TET3: variants seen among roughly 807,000 people sequenced by gnomAD.
TET3 encodes methylcytosine dioxygenase TET3.
A neutral mutation model predicts 141.4 loss-of-function variants in TET3; 19 were observed. That is an observed-to-expected ratio of 0.13 (90% CI 0.09 to 0.20). The LOEUF (loss-of-function observed/expected upper bound fraction) is 0.20. Among genes scored for constraint, TET3 ranks in the 10% least tolerant of loss-of-function variants. The probability of loss-of-function intolerance (pLI) is 1.00; values close to 1 mark genes in which losing one functional copy is unlikely to be tolerated. For synonymous variants in TET3, 1,043 were observed against 980.9 expected (o/e 1.06, Z -1.18); for missense variants, 1,874 against 2,356.9 (o/e 0.80, Z 4.24).
At position 74,047,066 on chromosome 2, in the gene TET3, C is replaced by T. The variant is rs113584570; in HGVS notation, c.1149C>T (p.Pro383=). 4.3e-6 allele frequency: 7 copies of T among 1,614,008 alleles called. No individual in the cohort carries two copies. Among genetic ancestry groups the T allele is most frequent in the South Asian group, 3.3e-5 (3 of 91,084 alleles). The change falls in exon 4 of 12, where the codon CCC becomes CCT. Residue 383 remains proline (P), a synonymous_variant. Transcript: ENST00000409262. Reference sequence around the variant, plus strand: ...ATTCCACCCCCCAGGCTTCTTGCCCCCTTCCTGAGGCCTTGTCACCTCCTG... The same window carrying T: ...ATTCCACCCCCCAGGCTTCTTGCCCTCTTCCTGAGGCCTTGTCACCTCCTG... ...PSHSTPQASC[P]LPEALSPPAP...
chr2:73,995,656 G>C (rs201176417), intron 2 of TET3, among the ~76,000 whole-genome samples: 27 of 151,970 alleles, frequency 1.8e-4, no homozygotes, highest in African/African-American at 6.3e-4. Context: ...CTAGTGGCTT[G>C]TGGCTCATGT....
In TET3 at chr2:74,100,625, C is replaced by T. The variant is rs376482452; in HGVS notation, c.3837C>T (p.Tyr1279=). The change falls in exon 12 of 12, where the codon TAC becomes TAT. Residue 1279 remains tyrosine, a synonymous_variant. Coordinates refer to ENST00000409262, the MANE Select transcript of TET3 (RefSeq NM_001287491.2). ...LTSVNGFHSK[Y]ALPSFSYYGF... ...CCGTCAATGGCTTCCACTCCAAGTA[C>T]GCTCTCCCGTCTTTTAGCTACTATG... 70 of 1,613,898 alleles carry T rather than the reference C, an allele frequency of 4.3e-5. No homozygotes were observed. The highest frequency in any genetic ancestry group is 1.9e-4 in the South Asian group (17 of 91,076).
the TET3 span, among the ~76,000 whole-genome samples, chr2:74,124,292 C>A: frequency 1.3e-5 from 2 of 150,996 alleles, no homozygotes; most frequent in African/African-American, 4.9e-5. Context: ...CAGCCAGCCA[C>A]CCCGTCTGGG....
At chr2:74,004,553 C>T (rs891299650) in intron 3 of TET3, among the ~76,000 whole-genome samples, 4 of 152,166 alleles carry the variant, frequency 2.6e-5, no homozygotes, top group African/African-American at 9.7e-5. Context: ...GTGAATTTTG[C>T]TTCTGGAGCA....
chr2:74,008,710 A>G (rs575888743), intron 3 of TET3, among the ~76,000 whole-genome samples: 1 of 152,168 alleles, frequency 6.6e-6, no homozygotes, highest in Non-Finnish European at 1.5e-5. Context: ...AAAAGTAAAA[A>G]TGACTAACTT....
At chr2:74,134,352 G>A in the TET3 span, 5 of 223,320 alleles carry the variant, frequency 2.2e-5, no homozygotes, top group Non-Finnish European at 4.5e-5. Flanking sequence ...TTCTGCCCTG[G>A]CAGGTACCAA....
the TET3 span, among the ~76,000 whole-genome samples, chr2:74,126,500 A>ATTTTT: frequency 8.4e-3 from 1,013 of 120,922 alleles, 37 homozygotes; most frequent in African/African-American, 0.029. Flanking sequence ...TATTTGCTGG[A>ATTTTT]TTTTTTTTTT....
chr2:74,118,087 C>A, the TET3 span, among the ~76,000 whole-genome samples: 17 of 152,312 alleles, frequency 1.1e-4, no homozygotes, highest in African/African-American at 4.1e-4. Context: ...AAACCAAGTA[C>A]CTGCTTTAAA....
In TET3 at chr2:74,047,752, C is replaced by A. The variant is rs768610070; in HGVS notation, c.1835C>A (p.Ser612Tyr). 23 of 1,613,794 alleles carry A rather than the reference C, an allele frequency of 1.4e-5. No homozygotes were observed. The highest frequency in any genetic ancestry group is 1.8e-5 in the Non-Finnish European group (21 of 1,179,816). Residue 612 changes from serine to tyrosine, a missense_variant, in exon 4 of 12, where the codon TCC becomes TAC. Coordinates refer to ENST00000409262, the MANE Select transcript of TET3 (RefSeq NM_001287491.2). Reference sequence around the variant, plus strand: ...CGAAAGCCCATTCAGATCAAGAAGTCCAGGCCCCGGGAAGCACAGCCCCTC... The same window carrying A: ...CGAAAGCCCATTCAGATCAAGAAGTACAGGCCCCGGGAAGCACAGCCCCTC... The part of the protein sequence containing the change: ...SVRKPIQIKK[S>Y]RPREAQPLFP...
chr2:74,047,918 T>C lies in TET3; in HGVS notation c.2001T>C (p.Phe667=). The C allele has an allele frequency of 1.2e-6, 2 of 1,613,620 alleles. No homozygotes were observed. Among genetic ancestry groups the C allele is most frequent in the Non-Finnish European group, 1.7e-6 (2 of 1,179,786 alleles). The change falls in exon 4 of 12, where the codon TTT becomes TTC. Residue 667 remains phenylalanine (F), a synonymous_variant. Transcript: ENST00000409262. ...PLPPEPSLAL[F]APSPSRDSLL... ...CCCCAGAACCTTCTCTTGCGCTATTTGCACCTAGTCCCTCCAGGGACAGCC... is the reference window on the plus strand; with the variant it reads ...CCCCAGAACCTTCTCTTGCGCTATTCGCACCTAGTCCCTCCAGGGACAGCC...
chr2:74,117,742 A>C, the TET3 span, among the ~76,000 whole-genome samples: 1 of 147,782 alleles, frequency 6.8e-6, no homozygotes, highest in Non-Finnish European at 1.5e-5. Flanking sequence ...AAATACACAA[A>C]ATCTATTATA....
At chr2:74,076,517 T>C (rs1689522892) in intron 5 of TET3, among the ~76,000 whole-genome samples, 1 of 149,942 alleles carries the variant, frequency 6.7e-6, no homozygotes, top group Non-Finnish European at 1.5e-5. Flanking sequence ...AACAAGCCTT[T>C]TTTGGATTTC....
chr2:74,061,119 ACGGGGCGGCCGGCCGGG>A (rs1324843126), intron 4 of TET3, among the ~76,000 whole-genome samples: 3 of 148,104 alleles, frequency 2.0e-5, no homozygotes, highest in Non-Finnish European at 1.5e-5. Context: ...CACCTACCGG[ACGGGGCGGCCGGCCGGG>A]CGGGGGGCTG....
At chr2:74,092,784 T>C (rs1690580237) in intron 8 of TET3, 118 bp from the exon 9 acceptor site, 4 of 851,856 alleles carry the variant, frequency 4.7e-6, no homozygotes, top group East Asian at 2.7e-5. Flanking sequence ...GAAAGACACC[T>C]GATAACACCT....
Position 74,048,227 on chromosome 2 carries a change from C to T in TET3, c.2310C>T (p.Thr770=), listed in dbSNP as rs1482851665. The T allele has an allele frequency of 1.2e-5, 19 of 1,613,514 alleles. No individual in the cohort carries two copies. Among genetic ancestry groups the T allele is most frequent in the Non-Finnish European group, 1.5e-5 (18 of 1,179,752 alleles). ...ESSGAVTVLS[T]TCFHSEEGGQ... Reference sequence around the variant, plus strand: ...CGGGGGCTGTGACTGTGCTCTCAACCACCTGCTTCCATTCAGAGGAGGGAG... The same window carrying T: ...CGGGGGCTGTGACTGTGCTCTCAACTACCTGCTTCCATTCAGAGGAGGGAG... Residue 770 remains threonine (T), a synonymous_variant, in exon 4 of 12, where the codon ACC becomes ACT. Coordinates refer to ENST00000409262, the MANE Select transcript of TET3 (RefSeq NM_001287491.2).
In TET3 at chr2:74,093,709, T is replaced by G. The variant is rs947579997; in HGVS notation, c.3267+43T>G. On this transcript the variant is annotated intron_variant, in intron 10 of 11. Transcript: ENST00000409262. The surrounding 1 kb of genome is among the most constrained non-coding windows in gnomAD (Gnocchi z 4.2). ...CATAGCCCCACCTGTGGGGCAACTG[T>G]GGGAGGGAGTCCACCGTGGTCTTTT... The G allele has an allele frequency of 6.6e-7, 1 of 1,510,598 alleles. No individual in the cohort carries two copies. Among genetic ancestry groups the G allele is most frequent in the African/African-American group, 1.4e-5 (1 of 71,720 alleles). The allele number at this position is 1,510,598 out of a possible 1,614,324, so 93.6% of individuals were successfully genotyped here.
At chr2:74,033,174 C>A (rs1420230620) in intron 3 of TET3, among the ~76,000 whole-genome samples, 1 of 152,164 alleles carries the variant, frequency 6.6e-6, no homozygotes, top group East Asian at 1.9e-4. Flanking sequence ...ATTCTTAAAT[C>A]TTTTTCCCCT....
rs745956502 is a variant in TET3 at position 74,099,365 on chromosome 2, C to A, written c.3357C>A (p.Ala1119=). The change falls in exon 11 of 12, where the codon GCC becomes GCA. Residue 1119 remains alanine, a synonymous_variant. Transcript: ENST00000409262. ...ATGTTCTCCCCCTGTACAAGATGGC[C>A]AACACGGATGAGTTTGGTAGCGAGG... ...QLHVLPLYKM[A]NTDEFGSEEN... is the part of the protein sequence containing the mutation. The A allele has an allele frequency of 1.2e-6, 2 of 1,613,774 alleles. No homozygotes were observed. The highest frequency in any genetic ancestry group is 1.3e-5 in the African/African-American group (1 of 74,918).
At position 74,087,278 on chromosome 2, in the gene TET3, G is replaced by A. The variant is rs183339335; in HGVS notation, c.2680-552G>A. On this transcript the variant is annotated intron_variant, in intron 6 of 11. Transcript: ENST00000409262. This position sits in a 1 kb window ranked among gnomAD's most constrained non-coding sequence, Gnocchi z 4.3. ...TGTTGTGAATAGTGCTGCAGTGAACGTGGGTATTCAGGGATCTGCCTGAGT... is the reference window on the plus strand; with the variant it reads ...TGTTGTGAATAGTGCTGCAGTGAACATGGGTATTCAGGGATCTGCCTGAGT... Among the ~76,000 whole-genome samples the A allele has an allele frequency of 2.0e-5, 3 of 152,282 alleles. No homozygotes were observed. The highest frequency in any genetic ancestry group is 2.9e-5 in the Non-Finnish European group (2 of 68,016).
Sources: gnomAD v4.1 joint callset for allele counts (sites outside exome capture counted in the v4.1 genomes callset) on GRCh38, gnomAD v4.1.1 for gene constraint, Gnocchi (gnomAD v3.1) non-coding constraint, MANE v1.5 for transcripts, NCBI Gene and HGNC (gene_info 2026-07-23, HGNC 2026-07-21) for gene names.